The following TAFA1 variants were observed in gnomAD, a reference collection of about 807,000 sequenced individuals.
The protein encoded by TAFA1 is TAFA chemokine like family member 1.
Under a neutral mutation model 18.5 loss-of-function variants are expected in TAFA1, and 4 were observed. The observed-to-expected ratio is 0.22, with a 90% CI of 0.11 to 0.49. TAFA1 has a LOEUF of 0.49. Among genes scored for constraint, TAFA1 ranks in the 20% least tolerant of loss-of-function variants. The probability of loss-of-function intolerance (pLI) is 0.98; values close to 1 mark genes in which losing one functional copy is unlikely to be tolerated. For missense variants in TAFA1, 147 were observed against 169.0 expected, an observed-to-expected ratio of 0.87 and a Z score of 0.72; for synonymous variants, 56 against 55.2, an observed-to-expected ratio of 1.01 and a Z score of -0.06.
chr3:68,049,452 G>C (rs1371753599), intron 2 of TAFA1, among the ~76,000 whole-genome samples: 1 of 152,026 alleles, frequency 6.6e-6, no homozygotes, highest in Admixed American at 6.6e-5. Context: ...GAAGAAAAGA[G>C]AGTGATTATT....
chr3:68,003,094 T>G (rs1704302238), upstream of TAFA1, among the ~76,000 whole-genome samples: 1 of 152,194 alleles, frequency 6.6e-6, no homozygotes, highest in South Asian at 2.1e-4. Flanking sequence ...GTGAGATTAA[T>G]ATTTACTATT....
At chr3:68,200,366 T>G (rs2066456938) in intron 2 of TAFA1, among the ~76,000 whole-genome samples, 1 of 151,638 alleles carries the variant, frequency 6.6e-6, no homozygotes, top group Admixed American at 6.6e-5. Flanking sequence ...TAAGAAGTAT[T>G]TCTTCAGCTT....
At chr3:68,379,196 A>G (rs1363762571) in intron 2 of TAFA1, among the ~76,000 whole-genome samples, 1 of 152,060 alleles carries the variant, frequency 6.6e-6, no homozygotes, top group Non-Finnish European at 1.5e-5. Context: ...TTTTAATAAT[A>G]CCCATTCTGA....
intron 2 of TAFA1, among the ~76,000 whole-genome samples, chr3:68,273,414 C>G (rs962468524): frequency 6.6e-6 from 1 of 152,104 alleles, no homozygotes; most frequent in Non-Finnish European, 1.5e-5. Flanking sequence ...TTGCAAAGGA[C>G]ACATTTAAAA....
chr3:68,169,670 C>A (rs1243443688), intron 2 of TAFA1, among the ~76,000 whole-genome samples: 1 of 152,194 alleles, frequency 6.6e-6, no homozygotes, highest in African/African-American at 2.4e-5. Flanking sequence ...ATATTTGATG[C>A]ACACTAAACT....
intron 2 of TAFA1, among the ~76,000 whole-genome samples, chr3:68,338,152 C>T (rs1048650165): frequency 6.6e-6 from 1 of 152,220 alleles, no homozygotes; most frequent in Non-Finnish European, 1.5e-5. Flanking sequence ...GTTAACAACA[C>T]TTGGATGAGG....
intron 3 of TAFA1, among the ~76,000 whole-genome samples, chr3:68,501,086 A>C (rs1413084264): frequency 2.0e-5 from 3 of 149,048 alleles, no homozygotes; most frequent in Non-Finnish European, 4.4e-5. Context: ...ATCCAGGAGG[A>C]AGAGGTCGTA....
intron 2 of TAFA1, among the ~76,000 whole-genome samples, chr3:68,138,941 T>C (rs1165627378): frequency 6.6e-6 from 1 of 152,230 alleles, no homozygotes; most frequent in Non-Finnish European, 1.5e-5. Context: ...TGAGGCTCTA[T>C]GGGCCTCTGT....
intron 2 of TAFA1, among the ~76,000 whole-genome samples, chr3:68,333,549 CTG>C (rs2068917474): frequency 6.6e-6 from 1 of 152,088 alleles, no homozygotes; most frequent in Non-Finnish European, 1.5e-5. Flanking sequence ...ATGAAATAAT[CTG>C]TACACCAAAC....
chr3:68,374,577 C>G (rs2069771244), intron 2 of TAFA1, among the ~76,000 whole-genome samples: 1 of 152,152 alleles, frequency 6.6e-6, no homozygotes, highest in African/African-American at 2.4e-5. Flanking sequence ...TTTGAGTACT[C>G]TACAATTCAG....
rs547728311 is a variant in TAFA1 at position 68,319,187 on chromosome 3, A to G, written c.119-98093A>G. On this transcript the variant is annotated intron_variant, in intron 2 of 4. Transcript: ENST00000478136. The stretch of plus-strand genomic sequence containing the variant: ...GATCCTTGGATATTACTTCTACACT[A>G]GTAGAATACAGTTCAGTGTGTGTGA... Among the ~76,000 whole-genome samples the G allele has an allele frequency of 3.3e-5, 5 of 152,364 alleles. No individual in the cohort carries two copies. In the South Asian group the frequency reaches 8.3e-4, roughly 25 times the overall value.
intron 3 of TAFA1, among the ~76,000 whole-genome samples, chr3:68,537,573 AT>A (rs756907233): frequency 1.3e-5 from 2 of 152,054 alleles, no homozygotes; most frequent in Non-Finnish European, 2.9e-5. Context: ...CTCTCAGTTA[AT>A]TTTTCCTAGA....
chr3:68,115,270 GAAACTGTT>G lies in TAFA1; in HGVS notation c.118+108530_118+108537del, dbSNP rs144433001. On this transcript the variant is annotated intron_variant, in intron 2 of 4. Coordinates refer to ENST00000478136, the MANE Select transcript of TAFA1 (RefSeq NM_213609.4). ...CTGTTAGCATGGTATATTCCATAAT[GAAACTGTT>G]AAAGAGAGAGAGGCATCATGGGAGT... is the stretch of plus-strand genomic sequence containing the variant. Among the ~76,000 whole-genome samples, 416 of 152,280 alleles carry G rather than the reference GAAACTGTT, an allele frequency of 2.7e-3. 3 individuals are homozygous for G. The highest frequency in any genetic ancestry group is 9.6e-3 in the African/African-American group (399 of 41,540).
chr3:68,390,214 C>G (rs188456698), intron 2 of TAFA1, among the ~76,000 whole-genome samples: 2 of 152,156 alleles, frequency 1.3e-5, no homozygotes, highest in African/African-American at 4.8e-5. Context: ...GGGTTTTCCC[C>G]TCACAGTGTA....
intron 2 of TAFA1, among the ~76,000 whole-genome samples, chr3:68,070,405 A>G (rs1291092963): frequency 1.3e-5 from 2 of 152,224 alleles, no homozygotes; most frequent in African/African-American, 2.4e-5. Context: ...GGCTGCACAC[A>G]GCAGGGGGCC....
intron 3 of TAFA1, among the ~76,000 whole-genome samples, chr3:68,457,325 A>T (rs1035489230): frequency 1.3e-5 from 2 of 152,288 alleles, no homozygotes; most frequent in South Asian, 4.1e-4. Flanking sequence ...AGATTTATGC[A>T]TATATTATGG....
chr3:68,107,203 C>G (rs1334525625), intron 2 of TAFA1, among the ~76,000 whole-genome samples: 37 of 152,034 alleles, frequency 2.4e-4, no homozygotes, highest in Admixed American at 2.4e-3. Flanking sequence ...TTGGCAAATG[C>G]TACAAATCAG....
chr3:68,351,820 AG>A (rs1220365166), intron 2 of TAFA1, among the ~76,000 whole-genome samples: 3 of 151,864 alleles, frequency 2.0e-5, no homozygotes, highest in African/African-American at 7.3e-5. Flanking sequence ...CCCAGCAGAG[AG>A]GGGGAAGTTT....
rs188003898 is a variant in TAFA1 at position 68,171,884 on chromosome 3, T to A, written c.118+165140T>A. ...ATTAACAAACTTAAAGATAGGTCAA[T>A]TAAGATTGTCCAGTTCAAGCAAAAT... On this transcript the variant is annotated intron_variant, in intron 2 of 4. Transcript: ENST00000478136. Among the ~76,000 whole-genome samples, 55 of 151,874 alleles carry A rather than the reference T, an allele frequency of 3.6e-4. 2 individuals carry two copies. Among genetic ancestry groups the A allele is most frequent in the Middle Eastern group, 3.4e-3 (1 of 294 alleles).
Sources: gnomAD v4.1 joint callset for allele counts (sites outside exome capture counted in the v4.1 genomes callset) on GRCh38, gnomAD v4.1.1 for gene constraint, MANE v1.5 for transcripts, NCBI Gene and HGNC (gene_info 2026-07-23, HGNC 2026-07-21) for gene names.